The following PINX1 variants were observed in gnomAD, a reference collection of about 807,000 sequenced individuals.
The protein encoded by PINX1 is PIN2/TERF1-interacting telomerase inhibitor 1.
A neutral mutation model predicts 25.4 loss-of-function variants in PINX1; 34 were observed. The observed-to-expected ratio is 1.34, with a 90% CI of 1.02 to 1.78. The LOEUF is 1.78. Among genes scored for constraint, PINX1 ranks in the 40% most tolerant of loss-of-function variants. The pLI is 0.00. For missense variants in PINX1, 592 were observed against 404.9 expected (o/e 1.46, Z -3.97); for synonymous variants, 197 against 147.7 (o/e 1.33, Z -2.42).
intron 6 of PINX1, among the ~76,000 whole-genome samples, chr8:10,782,444 A>T (rs1018374622): frequency 1.3e-5 from 2 of 152,010 alleles, no homozygotes; most frequent in African/African-American, 4.8e-5. Flanking sequence ...TTTTTTTTTA[A>T]GTACTCAGAG....
intron 5 of PINX1, among the ~76,000 whole-genome samples, chr8:10,820,670 G>A (rs558278474): frequency 5.3e-5 from 8 of 152,042 alleles, no homozygotes; most frequent in South Asian, 4.2e-4. Context: ...AGAAGATTAC[G>A]AAATACACAT....
intron 3 of PINX1, 60 bp downstream of exon 3, chr8:10,832,832 G>T: frequency 4.2e-6 from 4 of 956,740 alleles, no homozygotes; most frequent in South Asian, 1.4e-5. Flanking sequence ...TCAACTTTCA[G>T]ATTTACAAGA....
intron 6 of PINX1, among the ~76,000 whole-genome samples, chr8:10,782,359 TG>T (rs1168678152): frequency 6.6e-6 from 1 of 151,816 alleles, no homozygotes; most frequent in Non-Finnish European, 1.5e-5. Context: ...GAAGGGAAAA[TG>T]GGTAACTATG....
intron 6 of PINX1, among the ~76,000 whole-genome samples, chr8:10,806,661 C>T (rs112945084): frequency 2.0e-5 from 3 of 152,182 alleles, no homozygotes; most frequent in East Asian, 3.8e-4. Context: ...GAGTGGGGAA[C>T]AGCAGCCAGT....
intron 6 of PINX1, among the ~76,000 whole-genome samples, chr8:10,803,806 A>T (rs1802347124): frequency 6.6e-6 from 1 of 152,234 alleles, no homozygotes; most frequent in African/African-American, 2.4e-5. Context: ...TGTTGAAAAC[A>T]GATTTACTAT....
At chr8:10,831,800 G>C in intron 3 of PINX1, 57 bp from the exon 4 acceptor site, 1 of 937,562 alleles carries the variant, frequency 1.1e-6, no homozygotes, top group Non-Finnish European at 1.7e-6. Flanking sequence ...TACACTGACT[G>C]AGATGATACA....
chr8:10,767,713 G>T (rs1368693661), intron 6 of PINX1, among the ~76,000 whole-genome samples: 9 of 151,878 alleles, frequency 5.9e-5, no homozygotes, highest in African/African-American at 2.2e-4. Flanking sequence ...CCAAAGACGG[G>T]CACCCTCACA....
intron 4 of PINX1, among the ~76,000 whole-genome samples, chr8:10,827,444 G>A (rs924612048): frequency 6.6e-6 from 1 of 152,088 alleles, no homozygotes; most frequent in Admixed American, 6.5e-5. Flanking sequence ...ATCAGAGCAG[G>A]TTGATCTGGG....
chr8:10,805,596 AGGGGCC>A (rs1802421318), intron 6 of PINX1, among the ~76,000 whole-genome samples: 1 of 125,538 alleles, frequency 8.0e-6, no homozygotes, highest in Non-Finnish European at 1.7e-5. Context: ...GAGCACAGGA[AGGGGCC>A]ACACTAGCGC....
chr8:10,772,200 G>A (rs1277533164), intron 6 of PINX1, among the ~76,000 whole-genome samples: 1 of 152,254 alleles, frequency 6.6e-6, no homozygotes, highest in Non-Finnish European at 1.5e-5. Flanking sequence ...AGCTCATTTG[G>A]AGAACAGCAG....
intron 4 of PINX1, among the ~76,000 whole-genome samples, chr8:10,828,415 C>T (rs1244506604): frequency 6.6e-6 from 1 of 152,168 alleles, no homozygotes; most frequent in Non-Finnish European, 1.5e-5. Flanking sequence ...GGATTTCCTT[C>T]CCACAGCCAC....
At chr8:10,838,809 A>C (rs748679891) in intron 1 of PINX1, among the ~76,000 whole-genome samples, 13 of 152,296 alleles carry the variant, frequency 8.5e-5, no homozygotes, top group Non-Finnish European at 1.5e-5. Context: ...TACCTCAATG[A>C]CTAGGGGCAA....
In PINX1 at chr8:10,839,875, C is replaced by A; in HGVS notation, c.-119G>T. ...TCCCTCGCCGGCGGACTGCAGCGGA[C>A]GGGGCGCGTGCTGGTGACGTCAGTA... On this transcript the variant is annotated 5_prime_UTR_variant, in exon 1 of 7. Coordinates refer to ENST00000314787, the MANE Select transcript of PINX1 (RefSeq NM_017884.6). The A allele has an allele frequency of 9.9e-7, 1 of 1,011,430 alleles. No individual in the cohort carries two copies. The highest frequency in any genetic ancestry group is 1.4e-6 in the Non-Finnish European group (1 of 692,476). 62.7% of individuals were successfully genotyped at this position (1,011,430 alleles called of 1,614,324 possible). A position where few individuals can be genotyped will look rare whatever the true frequency, so the allele number is the denominator to read the frequency against.
In PINX1 at chr8:10,838,561, T is replaced by C. The variant is rs895323234; in HGVS notation, c.19+1177A>G. ...GATCAAAGGAACAGACATAAATGAA[T>C]AGCAGAACTAGGGCCAAAGTCGCCA... On this transcript the variant is annotated intron_variant, in intron 1 of 6. Transcript: ENST00000314787. Among the ~76,000 whole-genome samples the C allele has an allele frequency of 2.0e-5, 3 of 152,230 alleles. No individual in the cohort carries two copies. The South Asian group carries it at 6.2e-4, about 31-fold the overall frequency.
intron 5 of PINX1, among the ~76,000 whole-genome samples, chr8:10,823,173 G>A (rs1797927579): frequency 6.6e-6 from 1 of 152,188 alleles, no homozygotes; most frequent in Non-Finnish European, 1.5e-5. Context: ...GCAACTGAGG[G>A]GCGGGGCTGA....
chr8:10,792,335 G>A (rs1408194939), intron 6 of PINX1, among the ~76,000 whole-genome samples: 2 of 151,886 alleles, frequency 1.3e-5, no homozygotes. Flanking sequence ...GACTAGCAAG[G>A]ACAACACCTC....
At chr8:10,768,185 C>T (rs1445814050) in intron 6 of PINX1, among the ~76,000 whole-genome samples, 1 of 152,148 alleles carries the variant, frequency 6.6e-6, no homozygotes, top group Non-Finnish European at 1.5e-5. Flanking sequence ...ACGGCTGGCT[C>T]GTTTATGCAA....
chr8:10,807,543 A>T (rs1802492292), intron 6 of PINX1, among the ~76,000 whole-genome samples: 1 of 152,074 alleles, frequency 6.6e-6, no homozygotes, highest in Admixed American at 6.5e-5. Context: ...AAAACGCCCA[A>T]CCAACTCATT....
chr8:10,785,231 T>A (rs1261017282), intron 6 of PINX1, among the ~76,000 whole-genome samples: 2 of 152,242 alleles, frequency 1.3e-5, no homozygotes, highest in African/African-American at 4.8e-5. Context: ...AAACTACACT[T>A]ACAGCTATTA....
Sources: gnomAD v4.1 joint callset for allele counts (sites outside exome capture counted in the v4.1 genomes callset) on GRCh38, gnomAD v4.1.1 for gene constraint, MANE v1.5 for transcripts, NCBI Gene and HGNC (gene_info 2026-07-23, HGNC 2026-07-21) for gene names.